The following BMPR1A variants were observed in gnomAD, a reference collection of about 807,000 sequenced individuals.
BMPR1A encodes bone morphogenetic protein receptor type 1A, also known as bone morphogenetic protein receptor type-1A.
Under a neutral mutation model 66.0 loss-of-function variants are expected in BMPR1A, and 7 were observed. The observed-to-expected ratio is 0.11, with a 90% CI of 0.06 to 0.20. The LOEUF is 0.20. Among genes scored for constraint, BMPR1A ranks in the 10% least tolerant of loss-of-function variants. The pLI, the probability that BMPR1A is intolerant of heterozygous loss-of-function variation, is 1.00. For missense variants in BMPR1A, 408 were observed against 669.1 expected (o/e 0.61, Z 4.31); for synonymous variants, 200 against 229.7 (o/e 0.87, Z 1.17).
At chr10:86,817,692 G>C (rs1362176948) in intron 1 of BMPR1A, among the ~76,000 whole-genome samples, 1 of 152,206 alleles carries the variant, frequency 6.6e-6, no homozygotes, top group Non-Finnish European at 1.5e-5. Context: ...CCTGTAACTA[G>C]TGAGGAGATT....
chr10:86,760,240 C>CTTTTTTTTTTTTTTTTTTTTTTTTTT (rs1841025806), intron 1 of BMPR1A, among the ~76,000 whole-genome samples: 3 of 17,496 alleles, frequency 1.7e-4, no homozygotes, highest in Non-Finnish European at 2.0e-4. Context: ...TTCTTTCTTT[C>CTTTTTTTTTTTTTTTTTTTTTTTTTT]TTTCTTTCTT....
chr10:86,816,143 A>G (rs1487880426), intron 1 of BMPR1A, among the ~76,000 whole-genome samples: 1 of 152,216 alleles, frequency 6.6e-6, no homozygotes, highest in Non-Finnish European at 1.5e-5. Flanking sequence ...CTAACATGGC[A>G]GCCACTAGGC....
chr10:86,819,245 T>C lies in BMPR1A; in HGVS notation c.-267-19620T>C, dbSNP rs534059075. On this transcript the variant is annotated intron_variant, in intron 1 of 12. Coordinates refer to ENST00000372037, the MANE Select transcript of BMPR1A (RefSeq NM_004329.3). ...CTCTGTATGTGTGTTAAAAATACCA[T>C]GTTTTGTAACAATTGGCTTGTCTTA... 3.9e-5 allele frequency among the ~76,000 whole-genome samples: 6 copies of C among 152,348 alleles called. No individual in the cohort carries two copies. The South Asian group carries it at 1.0e-3, about 26-fold the overall frequency.
intron 1 of BMPR1A, among the ~76,000 whole-genome samples, chr10:86,835,038 TAAGAATTCC>T (rs1842321501): frequency 6.6e-6 from 1 of 152,046 alleles, no homozygotes; most frequent in African/African-American, 2.4e-5. Context: ...CACCGAATTC[TAAGAATTCC>T]ATTACATCTT....
At chr10:86,884,723 G>A (rs1015022851) in intron 3 of BMPR1A, among the ~76,000 whole-genome samples, 4 of 152,026 alleles carry the variant, frequency 2.6e-5, no homozygotes, top group African/African-American at 7.2e-5. Flanking sequence ...CCAAGCATAT[G>A]ATTTTTAATG....
In BMPR1A at chr10:86,921,373, T is replaced by C. The variant is rs952454252; in HGVS notation, c.1167-147T>C. The C allele has an allele frequency of 1.6e-5, 17 of 1,054,226 alleles. No individual in the cohort carries two copies. In the African/African-American group the frequency reaches 2.7e-4, roughly 17 times the overall value. The allele number at this position is 1,054,226 out of a possible 1,614,324, so 65.3% of individuals were successfully genotyped here. A position where few individuals can be genotyped will look rare whatever the true frequency, so the allele number is the denominator to read the frequency against. On this transcript the variant is annotated intron_variant, in intron 10 of 12. Coordinates refer to ENST00000372037, the MANE Select transcript of BMPR1A (RefSeq NM_004329.3). ...GATGTCATGTAGTATGTAGCATGTATTTAAAGAAAAATCTGAAAAATGCTA... is the reference window on the plus strand; with the variant it reads ...GATGTCATGTAGTATGTAGCATGTACTTAAAGAAAAATCTGAAAAATGCTA...
rs12255649 is a variant in BMPR1A at position 86,828,862 on chromosome 10, A to G, written c.-267-10003A>G. Among the ~76,000 whole-genome samples, 1,127 of 152,312 alleles carry G rather than the reference A, an allele frequency of 7.4e-3. 11 individuals carry two copies. Among genetic ancestry groups the G allele is most frequent in the African/African-American group, 0.026 (1,076 of 41,572 alleles). ...TTGGAAAAAGAAAGAGGGTGTTATC[A>G]AAAAATTTAAATGTCTTGTTAGGTT... On this transcript the variant is annotated intron_variant, in intron 1 of 12. Transcript: ENST00000372037.
At chr10:86,917,755 G>A (rs948522381) in intron 9 of BMPR1A, among the ~76,000 whole-genome samples, 2 of 152,144 alleles carry the variant, frequency 1.3e-5, no homozygotes, top group African/African-American at 4.8e-5. Flanking sequence ...AAGTAATTTA[G>A]GTGTGAGCTG....
chr10:86,806,731 A>T (rs996094532), intron 1 of BMPR1A, among the ~76,000 whole-genome samples: 4 of 151,174 alleles, frequency 2.6e-5, no homozygotes, highest in Admixed American at 6.6e-5. Context: ...TTTTTTTTTT[A>T]AAGTATAAAT....
intron 1 of BMPR1A, among the ~76,000 whole-genome samples, chr10:86,828,792 A>T (rs1167631375): frequency 1.4e-5 from 2 of 142,568 alleles, no homozygotes; most frequent in African/African-American, 2.4e-5. Context: ...GTATAAAAAA[A>T]AAATATATAT....
At chr10:86,908,729 G>A (rs891619447) in intron 7 of BMPR1A, among the ~76,000 whole-genome samples, 22 of 152,298 alleles carry the variant, frequency 1.4e-4, no homozygotes, top group African/African-American at 5.1e-4. Flanking sequence ...GAAAGTGAGG[G>A]GGGCGTGCCT....
At chr10:86,914,128 A>C (rs75251214) in intron 8 of BMPR1A, among the ~76,000 whole-genome samples, 2,484 of 152,152 alleles carry the variant, frequency 0.016, 59 homozygotes, top group African/African-American at 0.055. Flanking sequence ...AAAAAAAAAA[A>C]AACAAAAAGA....
intron 1 of BMPR1A, among the ~76,000 whole-genome samples, chr10:86,807,293 T>C (rs780292056): frequency 5.2e-4 from 79 of 152,238 alleles, no homozygotes; most frequent in Non-Finnish European, 1.1e-3. Context: ...CATTTCATTC[T>C]AATTTCATTT....
chr10:86,919,303 T>A lies in BMPR1A; in HGVS notation c.1000T>A (p.Leu334Met), dbSNP rs749873461. 3 of 1,613,840 alleles carry A rather than the reference T, an allele frequency of 1.9e-6. No homozygotes were observed. The highest frequency in any genetic ancestry group is 2.5e-6 in the Non-Finnish European group (3 of 1,179,882). The change falls in exon 10 of 13, where the codon TTG becomes ATG. Residue 334 changes from leucine to methionine, a missense_variant. Physicochemically the swap from Leu to Met is conservative, Grantham distance 15 (BLOSUM62 2). Coordinates refer to ENST00000372037, the MANE Select transcript of BMPR1A (RefSeq NM_004329.3). ...ATLDTRALLK[L>M]AYSAACGLCH... ...ACTGGACACCAGAGCCCTGCTTAAATTGGCTTATTCAGCTGCCTGTGGTCT... is the reference window on the plus strand; with the variant it reads ...ACTGGACACCAGAGCCCTGCTTAAAATGGCTTATTCAGCTGCCTGTGGTCT...
At chr10:86,779,640 C>A (rs1334519116) in intron 1 of BMPR1A, among the ~76,000 whole-genome samples, 2 of 152,120 alleles carry the variant, frequency 1.3e-5, no homozygotes, top group Non-Finnish European at 2.9e-5. Flanking sequence ...TGCTCTGTTG[C>A]CCAGGCTGGA....
intron 2 of BMPR1A, chr10:86,855,946 G>A (rs1842634387): frequency 1.6e-6 from 1 of 639,144 alleles, no homozygotes; most frequent in Non-Finnish European, 2.9e-6. Flanking sequence ...TGGCTTTACT[G>A]CATAACTATT....
chr10:86,835,231 TC>T (rs1752260323), intron 1 of BMPR1A, among the ~76,000 whole-genome samples: 1 of 136,914 alleles, frequency 7.3e-6, no homozygotes, highest in African/African-American at 2.7e-5. Flanking sequence ...TGAGACCCTG[TC>T]TTTAAAAAGA....
chr10:86,790,191 ATATATATATATATATATATATATATATAT>A (rs1841591199), intron 1 of BMPR1A, among the ~76,000 whole-genome samples: 5 of 9,322 alleles, frequency 5.4e-4, no homozygotes, highest in African/African-American at 2.7e-3. Context: ...AAAAAAAAAT[ATATATATATATATATATATATATATATAT>A]ATATATATAT....
At chr10:86,760,188 GTT>G (rs58326501) in intron 1 of BMPR1A, among the ~76,000 whole-genome samples, 607 of 53,304 alleles carry the variant, frequency 0.011, 1 homozygote, top group South Asian at 0.059. Flanking sequence ...AGATTTACCT[GTT>G]TTTTTTTTTT....
Sources: gnomAD v4.1 joint callset for allele counts (sites outside exome capture counted in the v4.1 genomes callset) on GRCh38, gnomAD v4.1.1 for gene constraint, MANE v1.5 for transcripts, NCBI Gene and HGNC (gene_info 2026-07-23, HGNC 2026-07-21) for gene names.